Variants in ENOX1 observed in about 807,000 individuals in gnomAD.
ENOX1 encodes candidate growth-related and time keeping constitutive hydroquinone (NADH) oxidase.
In ENOX1, 42 loss-of-function variants were observed where a neutral mutation model predicts 82.5. The observed-to-expected ratio is 0.51, with a 90% CI of 0.40 to 0.66. The LOEUF is 0.66. ENOX1 is among the 30% of genes least tolerant of loss of function. The pLI is 0.00. For missense variants in ENOX1, 608 were observed against 811.6 expected (o/e 0.75, Z 3.05); for synonymous variants, 271 against 282.2 (o/e 0.96, Z 0.40).
At chr13:43,736,680 CT>C (rs2089649938) in intron 1 of ENOX1, among the ~76,000 whole-genome samples, 1 of 152,006 alleles carries the variant, frequency 6.6e-6, no homozygotes, top group African/African-American at 2.4e-5. Flanking sequence ...ATACTCTGTA[CT>C]ATATTCAAAA....
chr13:43,463,697 T>C (rs2057591286), intron 3 of ENOX1, among the ~76,000 whole-genome samples: 1 of 152,236 alleles, frequency 6.6e-6, no homozygotes, highest in Non-Finnish European at 1.5e-5. Flanking sequence ...GTTGTACACA[T>C]GCCGGCTGAA....
At chr13:43,753,473 T>A (rs1250582899) in intron 1 of ENOX1, among the ~76,000 whole-genome samples, 1 of 152,186 alleles carries the variant, frequency 6.6e-6, no homozygotes, top group African/African-American at 2.4e-5. Context: ...ATTGCTGGTA[T>A]ATAGTAACAC....
chr13:43,719,442 C>A (rs1307531774), intron 1 of ENOX1, among the ~76,000 whole-genome samples: 1 of 151,898 alleles, frequency 6.6e-6, no homozygotes, highest in Non-Finnish European at 1.5e-5. Context: ...TGGAGCTGCT[C>A]AATGCAGCGC....
chr13:43,680,278 G>T (rs9533585), intron 1 of ENOX1, among the ~76,000 whole-genome samples: 13,385 of 152,170 alleles, frequency 0.088, 929 homozygotes, highest in African/African-American at 0.19. Flanking sequence ...AGAAGTAGAT[G>T]CTTTCAAATA....
At chr13:43,288,088 A>T (rs999415627) in intron 12 of ENOX1, among the ~76,000 whole-genome samples, 1 of 152,218 alleles carries the variant, frequency 6.6e-6, no homozygotes, top group African/African-American at 2.4e-5. Flanking sequence ...GTGGCCTGTT[A>T]TTATAATGCA....
At chr13:43,411,382 A>G (rs1473976962) in intron 5 of ENOX1, among the ~76,000 whole-genome samples, 1 of 152,144 alleles carries the variant, frequency 6.6e-6, no homozygotes, top group Admixed American at 6.5e-5. Context: ...TCTCTGCTGA[A>G]TGCATGCATT....
intron 15 of ENOX1, among the ~76,000 whole-genome samples, chr13:43,224,465 A>G (rs539538446): frequency 6.6e-6 from 1 of 152,374 alleles, no homozygotes; most frequent in East Asian, 1.9e-4. Flanking sequence ...ATATAAAATT[A>G]TAGTTATTGG....
chr13:43,397,178 C>A (rs1451546867), intron 5 of ENOX1, among the ~76,000 whole-genome samples: 1 of 152,258 alleles, frequency 6.6e-6, no homozygotes, highest in South Asian at 2.1e-4. Flanking sequence ...AGGATGAAAT[C>A]ATCGTTTTCC....
At chr13:43,384,789 T>C (rs1194655145) in intron 5 of ENOX1, among the ~76,000 whole-genome samples, 1 of 152,186 alleles carries the variant, frequency 6.6e-6, no homozygotes, top group African/African-American at 2.4e-5. Flanking sequence ...AGGATAGTCT[T>C]AAGTACTGCT....
rs1283721393 is a variant in ENOX1 at position 43,345,094 on chromosome 13, T to TACTA, written c.824-348_824-345dup. On this transcript the variant is annotated intron_variant, in intron 8 of 16. Coordinates refer to ENST00000690772, the MANE Select transcript of ENOX1 (RefSeq NM_001347969.2). Reference sequence around the variant, plus strand: ...TCTTAAGATGGACTTGAAAAACTGTTACTAACCTACTTGGCCTCCACTTCA... The same window carrying TACTA: ...TCTTAAGATGGACTTGAAAAACTGTTACTAACTAACCTACTTGGCCTCCACTTCA... Among the ~76,000 whole-genome samples, 19 of 152,222 alleles carry TACTA rather than the reference T, an allele frequency of 1.2e-4. No homozygotes were observed. The East Asian group carries it at 3.7e-3, about 29-fold the overall frequency.
chr13:43,600,830 G>A (rs759942579), intron 2 of ENOX1, among the ~76,000 whole-genome samples: 4 of 152,194 alleles, frequency 2.6e-5, no homozygotes, highest in African/African-American at 7.2e-5. Flanking sequence ...AGCATTGAGA[G>A]AGAGACTCTG....
intron 12 of ENOX1, among the ~76,000 whole-genome samples, chr13:43,273,075 C>T (rs1267295776): frequency 6.6e-6 from 1 of 152,182 alleles, no homozygotes; most frequent in African/African-American, 2.4e-5. Flanking sequence ...CAGCCTCTGC[C>T]TCTTTCTTAC....
chr13:43,524,231 A>G (rs2077895483), intron 2 of ENOX1, among the ~76,000 whole-genome samples: 1 of 152,132 alleles, frequency 6.6e-6, no homozygotes, highest in African/African-American at 2.4e-5. Context: ...AGACAATTCC[A>G]ACTCATTAAC....
intron 2 of ENOX1, among the ~76,000 whole-genome samples, chr13:43,614,934 A>C (rs1222288993): frequency 1.3e-5 from 2 of 152,166 alleles, no homozygotes; most frequent in East Asian, 1.9e-4. Context: ...CAGAACATGC[A>C]TTTTAACAAG....
At chr13:43,249,761 G>T (rs972428678) in intron 14 of ENOX1, among the ~76,000 whole-genome samples, 1 of 152,116 alleles carries the variant, frequency 6.6e-6, no homozygotes, top group African/African-American at 2.4e-5. Flanking sequence ...AGAAAGATTT[G>T]ATTATTATTA....
chr13:43,557,297 G>A (rs1440459644), intron 2 of ENOX1, among the ~76,000 whole-genome samples: 3 of 152,158 alleles, frequency 2.0e-5, no homozygotes, highest in Non-Finnish European at 4.4e-5. Flanking sequence ...GAAGGTGGTA[G>A]GGGTTTCCAT....
At chr13:43,579,133 G>A (rs939462630) in intron 2 of ENOX1, among the ~76,000 whole-genome samples, 1 of 152,066 alleles carries the variant, frequency 6.6e-6, no homozygotes, top group Non-Finnish European at 1.5e-5. Context: ...AAGACTCAAA[G>A]TGTAGAGAAT....
chr13:43,691,978 G>A (rs2086391474), intron 1 of ENOX1, among the ~76,000 whole-genome samples: 1 of 152,108 alleles, frequency 6.6e-6, no homozygotes, highest in Non-Finnish European at 1.5e-5. Context: ...GGGATTATAG[G>A]CATGAGCCAC....
intron 1 of ENOX1, among the ~76,000 whole-genome samples, chr13:43,762,050 G>A (rs1951013068): frequency 6.6e-6 from 1 of 152,156 alleles, no homozygotes; most frequent in Admixed American, 6.5e-5. Flanking sequence ...TATCTGAGAT[G>A]GATAGGGCTG....
Sources: allele counts gnomAD v4.1 joint callset (sites outside exome capture counted in the v4.1 genomes callset), GRCh38; gene constraint gnomAD v4.1.1; transcripts MANE v1.5; gene names NCBI Gene and HGNC (gene_info 2026-07-23, HGNC 2026-07-21).